PDE7A: variants seen among roughly 807,000 people sequenced by gnomAD.
PDE7A encodes the protein high affinity 3',5'-cyclic-AMP phosphodiesterase 7A.
PDE7A carries 39 observed loss-of-function variants against 64.3 expected under a neutral mutation model. That is an observed-to-expected ratio of 0.61 (90% CI 0.47 to 0.79). The LOEUF (loss-of-function observed/expected upper bound fraction) is 0.79. Ranked by LOEUF, PDE7A falls within the 30% of genes least tolerant of loss-of-function variation. The pLI is 0.00. For synonymous variants in PDE7A, 203 were observed against 206.8 expected, an observed-to-expected ratio of 0.98 and a Z score of 0.16; for missense variants, 470 against 582.8, an observed-to-expected ratio of 0.81 and a Z score of 1.99.
intron 1 of PDE7A, among the ~76,000 whole-genome samples, chr8:65,798,153 G>A (rs1261432374): frequency 7.1e-6 from 1 of 141,092 alleles, no homozygotes; most frequent in South Asian, 2.2e-4. Flanking sequence ...TTAGTATCCA[G>A]AAATATATAC....
rs117918014 is a variant in PDE7A, at chr8:65,721,336, G to C, written c.1244-1841C>G. On this transcript the variant is annotated intron_variant, in intron 12 of 12. Coordinates refer to ENST00000401827, the MANE Select transcript of PDE7A (RefSeq NM_001242318.3). ...AAACTGTATTAGTTCAACATGACTT[G>C]TACATACTGCCCCTATGTTGGGGAG... 9.2e-3 allele frequency among the ~76,000 whole-genome samples: 1,403 copies of C among 152,310 alleles called. 15 individuals are homozygous for C. Among genetic ancestry groups the C allele is most frequent in the Non-Finnish European group, 0.014 (971 of 68,032 alleles).
rs567103682 is a variant in PDE7A, at chr8:65,724,768, C to T, written c.1065+9G>A. 1 of 1,597,490 alleles carries T rather than the reference C, an allele frequency of 6.3e-7. No homozygotes were observed. ...CCTAGAAATAGAATGTTTCCAAGCC[C>T]CATTTTACCTGTAAAACCAAATGTC... is the stretch of plus-strand genomic sequence containing the variant. On this transcript the variant is annotated intron_variant, in intron 10 of 12. Transcript: ENST00000401827.
At chr8:65,822,389 T>A (rs1378367360) in intron 1 of PDE7A, among the ~76,000 whole-genome samples, 1 of 152,044 alleles carries the variant, frequency 6.6e-6, no homozygotes, top group African/African-American at 2.4e-5. Flanking sequence ...AGGGATGGCA[T>A]TGTGGGAAGG....
chr8:65,738,193 T>C (rs1163439073), intron 6 of PDE7A, among the ~76,000 whole-genome samples: 2 of 152,266 alleles, frequency 1.3e-5, no homozygotes, highest in East Asian at 1.9e-4. Flanking sequence ...AAAGACTTTA[T>C]TGCTATAAAA....
In PDE7A at chr8:65,762,991, A is replaced by ATGTGTGTGTG. The variant is rs34371328; in HGVS notation, c.284-15198_284-15189dup. On this transcript the variant is annotated intron_variant, in intron 3 of 12. Coordinates refer to ENST00000401827, the MANE Select transcript of PDE7A (RefSeq NM_001242318.3). ...ATCTCTTTATATTTATATAAAAACA[A>ATGTGTGTGTG]TGTGTGTGTGTGTGTGTGTGTGTGT... Among the ~76,000 whole-genome samples the ATGTGTGTGTG allele has an allele frequency of 5.1e-5, 7 of 138,612 alleles. No homozygotes were observed. The South Asian group carries it at 7.3e-4, about 14-fold the overall frequency. 90.9% of individuals were successfully genotyped at this position (138,612 alleles called of 152,430 possible). A position where few individuals can be genotyped will look rare whatever the true frequency, so the allele number is the denominator to read the frequency against.
chr8:65,765,301 AAAACGGTG>A (rs1461974315), intron 3 of PDE7A, among the ~76,000 whole-genome samples: 1 of 151,410 alleles, frequency 6.6e-6, no homozygotes, highest in Non-Finnish European at 1.5e-5. Flanking sequence ...CATCCCGGCT[AAAACGGTG>A]AAACCCCGTC....
At chr8:65,723,746 C>G (rs914286199) in intron 11 of PDE7A, 125 bp from the exon 12 acceptor site, 8 of 584,094 alleles carry the variant, frequency 1.4e-5, no homozygotes, top group Non-Finnish European at 1.9e-5. Flanking sequence ...GAGAGGACAG[C>G]TTCGCAATTA....
At chr8:65,837,572 GTTT>G (rs1027628486) in intron 1 of PDE7A, among the ~76,000 whole-genome samples, 4 of 152,134 alleles carry the variant, frequency 2.6e-5, no homozygotes, top group Non-Finnish European at 5.9e-5. Context: ...ATGAAACAAG[GTTT>G]GTGTACACTG....
At chr8:65,750,756 C>A (rs1402927279) in intron 3 of PDE7A, among the ~76,000 whole-genome samples, 2 of 151,934 alleles carry the variant, frequency 1.3e-5, no homozygotes, top group African/African-American at 4.8e-5. Flanking sequence ...ATTTTCTGGG[C>A]AACTTCTGAC....
At chr8:65,751,570 G>A (rs1025858271) in intron 3 of PDE7A, among the ~76,000 whole-genome samples, 5 of 151,760 alleles carry the variant, frequency 3.3e-5, no homozygotes, top group African/African-American at 9.7e-5. Context: ...TCGGCTCACC[G>A]CAACCTCCGC....
At chr8:65,735,316 A>G (rs1199768638) in intron 6 of PDE7A, among the ~76,000 whole-genome samples, 1 of 151,952 alleles carries the variant, frequency 6.6e-6, no homozygotes, top group African/African-American at 2.4e-5. Context: ...CTTGGTTAAT[A>G]GTGTTTTTTT....
In PDE7A at chr8:65,781,831, G is replaced by A. The variant is rs535547037; in HGVS notation, c.199+952C>T. 3.9e-5 allele frequency among the ~76,000 whole-genome samples: 6 copies of A among 152,270 alleles called. No individual in the cohort carries two copies. In the East Asian group the frequency reaches 5.8e-4, roughly 15 times the overall value. On this transcript the variant is annotated intron_variant, in intron 2 of 12. Coordinates refer to ENST00000401827, the MANE Select transcript of PDE7A (RefSeq NM_001242318.3). ...TCCAAAGCTCTGTCTTAAGGACAGC[G>A]GAATCCTGAACATGTTTGTTAGAGA...
At chr8:65,830,423 T>C (rs974588985) in intron 1 of PDE7A, among the ~76,000 whole-genome samples, 1 of 152,066 alleles carries the variant, frequency 6.6e-6, no homozygotes, top group Non-Finnish European at 1.5e-5. Flanking sequence ...CTACTGCTAA[T>C]ATAAAGCACT....
At chr8:65,788,961 C>G (rs748682562) in intron 1 of PDE7A, 1 of 1,610,774 alleles carries the variant, frequency 6.2e-7, no homozygotes, top group Non-Finnish European at 8.5e-7. Context: ...CAAAAGCCCG[C>G]TGCATAATCT....
At chr8:65,825,475 G>C (rs1810647635) in intron 1 of PDE7A, among the ~76,000 whole-genome samples, 1 of 152,136 alleles carries the variant, frequency 6.6e-6, no homozygotes, top group African/African-American at 2.4e-5. Context: ...TTAAATCCTA[G>C]AAATACCACT....
intron 1 of PDE7A, among the ~76,000 whole-genome samples, chr8:65,833,823 G>A (rs1810888603): frequency 6.6e-6 from 1 of 152,034 alleles, no homozygotes; most frequent in South Asian, 2.1e-4. Flanking sequence ...AATTAGCCAG[G>A]CATGGTGGGG....
chr8:65,772,432 G>A (rs1809128879), intron 3 of PDE7A, among the ~76,000 whole-genome samples: 1 of 152,190 alleles, frequency 6.6e-6, no homozygotes, highest in Non-Finnish European at 1.5e-5. Context: ...TTTAGTGTTT[G>A]TATCTTTGCC....
At chr8:65,735,050 C>A (rs943559099) in intron 6 of PDE7A, among the ~76,000 whole-genome samples, 156 bp from the exon 7 acceptor site, 5 of 152,326 alleles carry the variant, frequency 3.3e-5, no homozygotes, top group South Asian at 2.1e-4. Flanking sequence ...TCACAACTCA[C>A]ATGTATACCA....
rs1807743810 is a variant in PDE7A at position 65,747,710 on chromosome 8, C to G, written c.377G>C (p.Gly126Ala). Reference protein sequence around the residue: ...RYLRSSRFFRGTAVSNSLNIL... With the variant: ...RYLRSSRFFRATAVSNSLNIL... ...GTTTAGGGAATTTGAAACCGCAGTA[C>G]CACGAAAAAAGCGTGAAGATCTAAG... Residue 126 changes from glycine (G) to alanine (A), a missense_variant, in exon 4 of 13, where the codon GGT becomes GCT. Physicochemically the swap from Gly to Ala is moderately conservative, Grantham distance 60. Coordinates refer to ENST00000401827, the MANE Select transcript of PDE7A (RefSeq NM_001242318.3). 1 of 1,611,642 alleles carries G rather than the reference C, an allele frequency of 6.2e-7. No individual in the cohort carries two copies. The highest frequency in any genetic ancestry group is 1.3e-5 in the African/African-American group (1 of 74,976).
Sources: gnomAD v4.1 joint callset for allele counts (sites outside exome capture counted in the v4.1 genomes callset) on GRCh38, gnomAD v4.1.1 for gene constraint, MANE v1.5 for transcripts, NCBI Gene and HGNC (gene_info 2026-07-23, HGNC 2026-07-21) for gene names.